The following AOPEP variants were observed in gnomAD, a reference collection of about 807,000 sequenced individuals.
AOPEP encodes aminopeptidase O.
A neutral mutation model predicts 98.1 loss-of-function variants in AOPEP; 77 were observed. The ratio of observed to expected loss-of-function variants is 0.78; its 90% CI spans 0.65 to 0.95. The LOEUF is 0.95. Ranked by LOEUF, AOPEP falls within the 40% of genes least tolerant of loss-of-function variation. The pLI, the probability that AOPEP is intolerant of heterozygous loss-of-function variation, is 0.00. For synonymous variants in AOPEP, 346 were observed against 365.3 expected, an observed-to-expected ratio of 0.95 and a Z score of 0.60; for missense variants, 1,024 against 1,024.7, an observed-to-expected ratio of 1.00 and a Z score of 0.01.
chr9:94,881,654 T>TTATAA (rs2047601358), intron 5 of AOPEP, among the ~76,000 whole-genome samples: 1 of 152,184 alleles, frequency 6.6e-6, no homozygotes, highest in African/African-American at 2.4e-5. Flanking sequence ...CAGAGTCCAT[T>TTATAA]TATAAATAGA....
chr9:94,773,739 G>A (rs1176713646), intron 3 of AOPEP, among the ~76,000 whole-genome samples: 1 of 152,082 alleles, frequency 6.6e-6, no homozygotes, highest in Non-Finnish European at 1.5e-5. Context: ...TTTTTCAGTG[G>A]AGATCCTGAG....
At chr9:95,012,796 C>T (rs1275138035) in intron 13 of AOPEP, among the ~76,000 whole-genome samples, 2 of 151,974 alleles carry the variant, frequency 1.3e-5, no homozygotes, top group Non-Finnish European at 2.9e-5. Flanking sequence ...CACATGCAGC[C>T]TCAATAAGTA....
Position 95,005,597 on chromosome 9 carries a change from AG to A in AOPEP, c.2098del (p.Glu700LysfsTer25). 1 of 1,614,038 alleles carries A rather than the reference AG, an allele frequency of 6.2e-7. No homozygotes were observed. The highest frequency in any genetic ancestry group is 8.5e-7 in the Non-Finnish European group (1 of 1,179,940). ...RRPRKRKRRE[K>X]EEVFEKLLPD... ...CCCCGAAAACGGAAGCGCAGGGAGA[AG>A]GAAGAGGTGTTTGAAAAGGTAGGGG... is the stretch of plus-strand genomic sequence containing the variant. On this transcript the variant is annotated frameshift_variant, in exon 13 of 17. Transcript: ENST00000375315. LOFTEE classifies it high-confidence loss of function.
At chr9:95,114,538 G>A in the AOPEP span, 2 of 1,132,222 alleles carry the variant, frequency 1.8e-6, no homozygotes, top group South Asian at 2.5e-5. Flanking sequence ...GACCAGTAAT[G>A]CCTTCCTCTG....
chr9:95,033,133 G>A (rs1038125900), intron 13 of AOPEP, among the ~76,000 whole-genome samples: 5 of 152,142 alleles, frequency 3.3e-5, no homozygotes, highest in Admixed American at 1.3e-4. Flanking sequence ...TGTTAATCTC[G>A]GAGACGGTTC....
chr9:94,857,014 C>G (rs186214546), intron 5 of AOPEP, among the ~76,000 whole-genome samples: 83 of 152,334 alleles, frequency 5.4e-4, no homozygotes, highest in Admixed American at 1.3e-3. Context: ...TAAAATGGGG[C>G]TGTTGAACTT....
In AOPEP at chr9:95,005,404, C is replaced by CGCGG. The variant is rs906487780; in HGVS notation, c.2041-130_2041-127dup. 32 of 940,638 alleles carry CGCGG rather than the reference C, an allele frequency of 3.4e-5. No homozygotes were observed. The African/African-American group carries it at 5.2e-4, about 15-fold the overall frequency. 58.3% of individuals were successfully genotyped at this position (940,638 alleles called of 1,614,324 possible). A position where few individuals can be genotyped will look rare whatever the true frequency, so the allele number is the denominator to read the frequency against. ...CTGCGGTGAGGCGCCCGGCGAGTTCCGCGGGCGGGCGCGGGTGGCCTCCCG... is the reference window on the plus strand; with the variant it reads ...CTGCGGTGAGGCGCCCGGCGAGTTCCGCGGGCGGGCGGGCGCGGGTGGCCTCCCG... On this transcript the variant is annotated intron_variant, in intron 12 of 16. Transcript: ENST00000375315.
At chr9:95,005,677 G>A in intron 13 of AOPEP, 61 bp downstream of exon 13, 1 of 1,347,710 alleles carries the variant, frequency 7.4e-7, no homozygotes, top group Admixed American at 1.7e-5. Flanking sequence ...TGCCCCGTGA[G>A]GACCTGGTCA....
At chr9:94,745,260 A>G (rs969980774) in intron 1 of AOPEP, among the ~76,000 whole-genome samples, 74 of 151,344 alleles carry the variant, frequency 4.9e-4, no homozygotes, top group Non-Finnish European at 6.5e-4. Flanking sequence ...CTCTATCTGC[A>G]TGAGTTCAAT....
At chr9:95,052,793 T>G (rs1345658495) in intron 13 of AOPEP, among the ~76,000 whole-genome samples, 1 of 152,160 alleles carries the variant, frequency 6.6e-6, no homozygotes, top group Non-Finnish European at 1.5e-5. Flanking sequence ...CTGAATATAT[T>G]TTATAATTTG....
intron 13 of AOPEP, among the ~76,000 whole-genome samples, chr9:95,045,277 G>A (rs1402673617): frequency 6.6e-6 from 1 of 152,218 alleles, no homozygotes; most frequent in Non-Finnish European, 1.5e-5. Context: ...CGGCAGTGCA[G>A]CTCCGCAGGC....
intron 5 of AOPEP, among the ~76,000 whole-genome samples, chr9:94,884,723 A>G (rs2047985302): frequency 6.6e-6 from 1 of 152,204 alleles, no homozygotes; most frequent in African/African-American, 2.4e-5. Context: ...CTCTTAAATC[A>G]GGCACTGGCC....
chr9:94,870,936 C>G (rs578168876), intron 5 of AOPEP, among the ~76,000 whole-genome samples: 25 of 152,334 alleles, frequency 1.6e-4, no homozygotes, highest in Non-Finnish European at 3.2e-4. Flanking sequence ...TCTCTCTGCC[C>G]TGATTGGACT....
At chr9:94,850,094 A>G (rs955484203) in intron 5 of AOPEP, among the ~76,000 whole-genome samples, 10 of 151,676 alleles carry the variant, frequency 6.6e-5, no homozygotes, top group Admixed American at 5.9e-4. Flanking sequence ...GGCAGAGCTC[A>G]GGCGAGAATG....
At chr9:94,978,355 T>C (rs908644396) in intron 10 of AOPEP, among the ~76,000 whole-genome samples, 4 of 152,170 alleles carry the variant, frequency 2.6e-5, no homozygotes. Context: ...GGAATGATTT[T>C]AATGAGTCTA....
Position 94,947,378 on chromosome 9 carries a change from A to G in AOPEP, c.1662-7799A>G, listed in dbSNP as rs545005452. 6.6e-5 allele frequency among the ~76,000 whole-genome samples: 10 copies of G among 151,762 alleles called. No homozygotes were observed. The East Asian group carries it at 2.0e-3, about 30-fold the overall frequency. On this transcript the variant is annotated intron_variant, in intron 7 of 16. Transcript: ENST00000375315. ...ACTGCAGCCTTGAACTCCTGGGCTC[A>G]GTGATCCACCCACCTCAGCCTCCTG... is the stretch of plus-strand genomic sequence containing the variant.
At chr9:95,045,666 A>C (rs529488024) in intron 13 of AOPEP, among the ~76,000 whole-genome samples, 1 of 152,152 alleles carries the variant, frequency 6.6e-6, no homozygotes, top group Non-Finnish European at 1.5e-5. Context: ...CCCTCTCCTA[A>C]GGGCCAGGTG....
chr9:94,819,965 A>G (rs181314299), intron 5 of AOPEP, among the ~76,000 whole-genome samples: 1 of 41,074 alleles, frequency 2.4e-5, no homozygotes, highest in South Asian at 5.6e-4. Flanking sequence ...TTTTTTTTTG[A>G]GATGGAGTCT....
At chr9:94,996,170 A>G (rs2061215965) in intron 11 of AOPEP, among the ~76,000 whole-genome samples, 1 of 152,168 alleles carries the variant, frequency 6.6e-6, no homozygotes. Flanking sequence ...ACATCCTACA[A>G]AAAGTGAAGA....
Sources: gnomAD v4.1 joint callset for allele counts (sites outside exome capture counted in the v4.1 genomes callset) on GRCh38, gnomAD v4.1.1 for gene constraint, MANE v1.5 for transcripts, NCBI Gene and HGNC (gene_info 2026-07-23, HGNC 2026-07-21) for gene names.